Variants in MTUS1 observed in about 807,000 individuals in gnomAD.
MTUS1 encodes microtubule-associated tumor suppressor 1.
In MTUS1, 109 loss-of-function variants were observed where a neutral mutation model predicts 120.8. The ratio of observed to expected loss-of-function variants is 0.90; its 90% CI spans 0.77 to 1.06. The LOEUF (loss-of-function observed/expected upper bound fraction) is 1.06, where lower values mean the gene tolerates loss of function less well. MTUS1 is among the 50% of genes least tolerant of loss of function. The probability of loss-of-function intolerance (pLI) is 0.00; values close to 1 mark genes in which losing one functional copy is unlikely to be tolerated. For missense variants in MTUS1, 2,210 were observed against 1,486.3 expected (o/e 1.49, Z -8.01); for synonymous variants, 737 against 550.5 (o/e 1.34, Z -4.74).
Position 17,655,914 on chromosome 8 carries a change from C to T in MTUS1, c.3057G>A (p.Arg1019=). The change falls in exon 9 of 15, where the codon CGG becomes CGA. Residue 1019 remains arginine, a synonymous_variant. Coordinates refer to ENST00000693296, the MANE Select transcript of MTUS1 (RefSeq NM_001363059.2). The part of the protein sequence containing the change: ...EFYTREYEKL[R]DTYIEEAEKY... The stretch of plus-strand genomic sequence containing the variant: ...TCTCTGCTTCTTCAATGTAAGTGTC[C>T]CGAAGCTTTTCATACTCCCTGGTGT... 6.2e-7 allele frequency: 1 copy of T among 1,614,168 alleles called. No homozygotes were observed.
rs116317737 is a variant in MTUS1 at position 17,737,222 on chromosome 8, T to C, written c.2287+6382A>G. Among the ~76,000 whole-genome samples the C allele has an allele frequency of 9.0e-3, 1,366 of 152,274 alleles. 24 individuals are homozygous for C. The highest frequency in any genetic ancestry group is 0.032 in the African/African-American group (1,312 of 41,554). Reference sequence around the variant, plus strand: ...CCACCAATTACCCCACTGTGTAACTTTGGACACGTTACTGAAGCTTTCAGA... The same window carrying C: ...CCACCAATTACCCCACTGTGTAACTCTGGACACGTTACTGAAGCTTTCAGA... On this transcript the variant is annotated intron_variant, in intron 3 of 14. Transcript: ENST00000693296.
intron 1 of MTUS1, among the ~76,000 whole-genome samples, chr8:17,790,599 C>A (rs1350711425): frequency 6.6e-6 from 1 of 152,206 alleles, no homozygotes; most frequent in African/African-American, 2.4e-5. Flanking sequence ...TGGCTTACAA[C>A]ATTTAACATT....
intron 6 of MTUS1, among the ~76,000 whole-genome samples, chr8:17,703,220 G>A (rs775325683): frequency 4.6e-5 from 7 of 152,258 alleles, no homozygotes; most frequent in Middle Eastern, 3.4e-3. Flanking sequence ...GTGCGAGTAG[G>A]AGAGATATCG....
At chr8:17,713,149 T>A in intron 6 of MTUS1, 65 bp downstream of exon 6, 1 of 1,268,696 alleles carries the variant, frequency 7.9e-7, no homozygotes, top group Non-Finnish European at 1.1e-6. Flanking sequence ...TCACTGTAAA[T>A]ACTTGTAGTA....
rs1007710483 is a variant in MTUS1, at chr8:17,669,443, C to T, written c.2905+5743G>A. Reference sequence around the variant, plus strand: ...GAACAAAGGGGAAAGAGTGCCTAGACGTGAATTTGGACTGGAAGATTTCAA... The same window carrying T: ...GAACAAAGGGGAAAGAGTGCCTAGATGTGAATTTGGACTGGAAGATTTCAA... On this transcript the variant is annotated intron_variant, in intron 8 of 14. Transcript: ENST00000693296. 4.0e-5 allele frequency among the ~76,000 whole-genome samples: 6 copies of T among 151,604 alleles called. No homozygotes were observed. The South Asian group carries it at 6.3e-4, about 16-fold the overall frequency.
At chr8:17,656,879 G>A (rs1808383658) in intron 8 of MTUS1, among the ~76,000 whole-genome samples, 1 of 151,306 alleles carries the variant, frequency 6.6e-6, no homozygotes, top group African/African-American at 2.4e-5. Flanking sequence ...AGACCACGGT[G>A]AAACCCTGTC....
At chr8:17,731,355 G>A (rs2046565354) in intron 3 of MTUS1, among the ~76,000 whole-genome samples, 1 of 152,126 alleles carries the variant, frequency 6.6e-6, no homozygotes, top group South Asian at 2.1e-4. Context: ...ATGTGAGAAT[G>A]GGGGTGATAG....
intron 5 of MTUS1, among the ~76,000 whole-genome samples, chr8:17,714,652 A>C (rs1037187281): frequency 1.3e-5 from 2 of 152,118 alleles, no homozygotes; most frequent in African/African-American, 4.8e-5. Context: ...ACAGAAGAGT[A>C]TATTCATTAT....
chr8:17,672,489 C>T (rs1195946475), intron 8 of MTUS1, among the ~76,000 whole-genome samples: 2 of 152,148 alleles, frequency 1.3e-5, no homozygotes, highest in Non-Finnish European at 2.9e-5. Context: ...AAATTTAAAA[C>T]TGGGTTCCCA....
intron 8 of MTUS1, among the ~76,000 whole-genome samples, chr8:17,672,408 A>G (rs991679753): frequency 6.6e-6 from 1 of 152,190 alleles, no homozygotes; most frequent in Non-Finnish European, 1.5e-5. Context: ...GACTTGTCCT[A>G]AGTCACTCAG....
intron 2 of MTUS1, among the ~76,000 whole-genome samples, chr8:17,745,013 G>A (rs890833406): frequency 6.6e-6 from 1 of 152,076 alleles, no homozygotes; most frequent in African/African-American, 2.4e-5. Flanking sequence ...AAACACCTAG[G>A]CACATGTTCT....
At chr8:17,651,298 T>C (rs970265527) in intron 12 of MTUS1, among the ~76,000 whole-genome samples, 2 of 152,024 alleles carry the variant, frequency 1.3e-5, no homozygotes, top group African/African-American at 2.4e-5. Flanking sequence ...AGGGTGACTA[T>C]AGTTAATAAT....
intron 8 of MTUS1, chr8:17,674,679 A>C (rs1585590426): frequency 1.0e-6 from 1 of 987,154 alleles, no homozygotes; most frequent in South Asian, 4.7e-5. Flanking sequence ...GAGGTGGTGA[A>C]CCATCAGCCC....
At chr8:17,766,299 C>A (rs77746119) in intron 1 of MTUS1, among the ~76,000 whole-genome samples, 5,438 of 152,124 alleles carry the variant, frequency 0.036, 351 homozygotes, top group African/African-American at 0.12. Context: ...GTGAGTACAC[C>A]CAGTACACAA....
intron 7 of MTUS1, among the ~76,000 whole-genome samples, chr8:17,683,679 C>G (rs1219567257): frequency 6.6e-6 from 1 of 152,014 alleles, no homozygotes; most frequent in African/African-American, 2.4e-5. Context: ...AAGTTGTATT[C>G]TTATCAGTTG....
intron 1 of MTUS1, among the ~76,000 whole-genome samples, chr8:17,798,684 G>A (rs1329126709): frequency 1.3e-5 from 2 of 152,138 alleles, no homozygotes; most frequent in Non-Finnish European, 2.9e-5. Context: ...CTGAAGCTAC[G>A]ATTTAGAAGT....
At chr8:17,654,219 G>A in intron 10 of MTUS1, 1 of 297,736 alleles carries the variant, frequency 3.4e-6, no homozygotes. Context: ...CTGTGCAGGA[G>A]CACTTGGGGT....
At chr8:17,713,568 C>A (rs1239904210) in intron 5 of MTUS1, among the ~76,000 whole-genome samples, 3 of 152,186 alleles carry the variant, frequency 2.0e-5, no homozygotes, top group Non-Finnish European at 4.4e-5. Flanking sequence ...GTACTGAATT[C>A]ACAGACTGTG....
At position 17,755,534 on chromosome 8, in the gene MTUS1, T is replaced by C. The variant is rs2048545313; in HGVS notation, c.274A>G (p.Lys92Glu). Reference protein sequence around the residue: ...HEKSSSDFISKQVLDMHKDSI... With the variant: ...HEKSSSDFISEQVLDMHKDSI... ...TCTTTATGCATATCTAACACCTGCT[T>C]ACTAATGAAATCACTAGAAGACTTT... Residue 92 changes from lysine to glutamate, a missense_variant, in exon 2 of 15, where the codon AAG becomes GAG. Transcript: ENST00000693296. 2 of 1,614,222 alleles carry C rather than the reference T, an allele frequency of 1.2e-6. No individual in the cohort carries two copies. The highest frequency in any genetic ancestry group is 1.1e-5 in the South Asian group (1 of 91,084).
Sources: gnomAD v4.1 joint callset for allele counts (sites outside exome capture counted in the v4.1 genomes callset) on GRCh38, gnomAD v4.1.1 for gene constraint, MANE v1.5 for transcripts, NCBI Gene and HGNC (gene_info 2026-07-23, HGNC 2026-07-21) for gene names.